RNF213: variants seen among roughly 807,000 people sequenced by gnomAD.
The protein encoded by RNF213 is E3 ubiquitin-protein ligase RNF213.
A neutral mutation model predicts 514.4 loss-of-function variants in RNF213; 341 were observed. That is an observed-to-expected ratio of 0.66 (90% CI 0.61 to 0.73). The LOEUF (loss-of-function observed/expected upper bound fraction) is 0.73, where lower values mean the gene tolerates loss of function less well. RNF213 is among the 30% of genes least tolerant of loss of function. The pLI is 0.00. For missense variants in RNF213, 5,767 were observed against 6,615.6 expected, an observed-to-expected ratio of 0.87 and a Z score of 4.45; for synonymous variants, 2,655 against 2,658.2, an observed-to-expected ratio of 1.00 and a Z score of 0.04.
intron 11 of RNF213, among the ~76,000 whole-genome samples, chr17:80,299,393 A>G (rs1264827717): frequency 6.6e-6 from 1 of 152,182 alleles, no homozygotes; most frequent in Non-Finnish European, 1.5e-5. Context: ...GCTAGGTCAA[A>G]GGCATTGTGA....
At chr17:80,275,840 T>G (rs1292290490) in intron 3 of RNF213, among the ~76,000 whole-genome samples, 1 of 151,648 alleles carries the variant, frequency 6.6e-6, no homozygotes, top group African/African-American at 2.4e-5. Context: ...TTTTTTGTAT[T>G]TTTGGTAGAG....
intron 42 of RNF213, among the ~76,000 whole-genome samples, chr17:80,365,865 C>T (rs2144429558): frequency 6.6e-6 from 1 of 152,356 alleles, no homozygotes. Flanking sequence ...GCCCATAAAC[C>T]CAAAGGTAAA....
intron 65 of RNF213, 137 bp downstream of exon 65, chr17:80,389,504 C>G (rs2080375336): frequency 1.3e-6 from 1 of 777,362 alleles, no homozygotes; most frequent in African/African-American, 1.7e-5. Context: ...AACTGCTCAC[C>G]CAGTCAGTCC....
intron 3 of RNF213, among the ~76,000 whole-genome samples, chr17:80,277,869 G>A (rs543656835): frequency 1.3e-5 from 2 of 152,220 alleles, no homozygotes; most frequent in Admixed American, 6.5e-5. Flanking sequence ...CTGAGACAGC[G>A]AGCTGCGTGG....
At chr17:80,277,971 G>A (rs759036251) in intron 3 of RNF213, among the ~76,000 whole-genome samples, 13 of 152,216 alleles carry the variant, frequency 8.5e-5, no homozygotes, top group Non-Finnish European at 1.3e-4. Context: ...AGAGGGGCCC[G>A]CGCCTGTCCC....
chr17:80,386,374 T>G lies in RNF213; in HGVS notation c.14664T>G (p.Ile4888Met). 6.2e-7 allele frequency: 1 copy of G among 1,614,190 alleles called. No individual in the cohort carries two copies. The highest frequency in any genetic ancestry group is 1.3e-5 in the African/African-American group (1 of 75,050). Residue 4888 changes from isoleucine (I) to methionine (M), a missense_variant, in exon 62 of 68, where the codon ATT becomes ATG. Physicochemically the swap from Ile to Met is conservative, Grantham distance 10. Transcript: ENST00000582970. ...CTACCGCTCTCGTCAGCTACTTGAT[T>G]CGCCTACACAATGAAATTGTCTACG... ...LCATALVSYL[I>M]RLHNEIVYAV...
intron 57 of RNF213, 124 bp from the exon 58 acceptor site, chr17:80,382,845 CTTAGATTAAT>C: frequency 1.5e-6 from 1 of 678,224 alleles, no homozygotes; most frequent in Non-Finnish European, 2.7e-6. Flanking sequence ...CTTCAAAATA[CTTAGATTAAT>C]TTAGAAAGCT....
At chr17:80,356,519 G>A (rs1334486028) in intron 36 of RNF213, among the ~76,000 whole-genome samples, 1 of 152,214 alleles carries the variant, frequency 6.6e-6, no homozygotes, top group African/African-American at 2.4e-5. Context: ...TGACTACCTC[G>A]ATTCACCACC....
intron 17 of RNF213, among the ~76,000 whole-genome samples, chr17:80,323,914 G>A (rs1240507207): frequency 6.6e-6 from 1 of 151,894 alleles, no homozygotes; most frequent in Non-Finnish European, 1.5e-5. Flanking sequence ...TAGACACACA[G>A]TGCTCCATGC....
Position 80,288,861 on chromosome 17 carries a change from CA to C in RNF213, c.933+107del. 2 of 1,578,758 alleles carry C rather than the reference CA, an allele frequency of 1.3e-6. No individual in the cohort carries two copies. Among genetic ancestry groups the C allele is most frequent in the Non-Finnish European group, 1.7e-6 (2 of 1,155,466 alleles). ...AATATTTAAGTGCTGGGGATATAGC[CA>C]TGATTCAGACAAAGCTCTGGCCTTC... On this transcript the variant is annotated intron_variant, in intron 5 of 67. Coordinates refer to ENST00000582970, the MANE Select transcript of RNF213 (RefSeq NM_001256071.3). This position sits in a 1 kb window ranked among gnomAD's most constrained non-coding sequence, Gnocchi z 4.9.
chr17:80,271,618 C>T (rs2043824888), intron 2 of RNF213, among the ~76,000 whole-genome samples: 1 of 152,202 alleles, frequency 6.6e-6, no homozygotes, highest in Non-Finnish European at 1.5e-5. Flanking sequence ...GGATTGAAAA[C>T]AGGGACTCCT....
At chr17:80,274,234 G>T (rs1180089846) in intron 3 of RNF213, among the ~76,000 whole-genome samples, 1 of 152,018 alleles carries the variant, frequency 6.6e-6, no homozygotes, top group African/African-American at 2.4e-5. Flanking sequence ...GAAGGGTATG[G>T]CTGAGCCACC....
chr17:80,272,531 CAA>C (rs1567994545), intron 2 of RNF213, among the ~76,000 whole-genome samples: 1 of 152,194 alleles, frequency 6.6e-6, no homozygotes, highest in Non-Finnish European at 1.5e-5. Flanking sequence ...ACAAGCCTCT[CAA>C]GAGTAAACCC....
At position 80,346,623 on chromosome 17, in the gene RNF213, T is replaced by G; in HGVS notation, c.8288T>G (p.Ile2763Ser). 2 of 1,612,966 alleles carry G rather than the reference T, an allele frequency of 1.2e-6. No homozygotes were observed. The highest frequency in any genetic ancestry group is 8.5e-7 in the Non-Finnish European group (1 of 1,180,014). The change falls in exon 29 of 68, where the codon ATT (isoleucine) becomes AGT (serine). Residue 2763 changes from isoleucine to serine, a missense_variant. Physicochemically the swap from Ile to Ser is moderately radical, Grantham distance 142. Around this residue, in one of 13 missense-constraint regions of RNF213, gnomAD observed 105 missense variants for 183.9 expected, o/e 0.57. Transcript: ENST00000582970. This position sits in a 1 kb window ranked among gnomAD's most constrained non-coding sequence, Gnocchi z 8.1. ...ATGGTCGTCTGCATCGAGCTGAAGA[T>G]TCCCCTCTTCCTGGTGGGGAAGCCC... ...FMMVVCIELK[I>S]PLFLVGKPGS...
At position 80,309,057 on chromosome 17, in the gene RNF213, G is replaced by A. The variant is rs1258145965; in HGVS notation, c.2541G>A (p.Val847=). ...CCTTGTCACCATCCTACCTGACTGT[G>A]TGTCTGAAACTGCATGAAGCCATCT... ...EEALSPSYLT[V]CLKLHEAICS... The change falls in exon 14 of 68, where the codon GTG becomes GTA. Residue 847 remains valine, a synonymous_variant. Coordinates refer to ENST00000582970, the MANE Select transcript of RNF213 (RefSeq NM_001256071.3). 6.2e-7 allele frequency: 1 copy of A among 1,614,052 alleles called. No homozygotes were observed. Among genetic ancestry groups the A allele is most frequent in the East Asian group, 2.2e-5 (1 of 44,904 alleles).
At position 80,393,441 on chromosome 17, in the gene RNF213, C is replaced by T; in HGVS notation, c.15567C>T (p.Ser5189=). 1 of 1,614,210 alleles carries T rather than the reference C, an allele frequency of 6.2e-7. No homozygotes were observed. The highest frequency in any genetic ancestry group is 8.5e-7 in the Non-Finnish European group (1 of 1,180,010). Residue 5189 remains serine, a synonymous_variant, in exon 68 of 68, where the codon AGC becomes AGT. Coordinates refer to ENST00000582970, the MANE Select transcript of RNF213 (RefSeq NM_001256071.3). ...TCCCAGAAGAGATACTGCTCGCCAG[C>T]TGTGTCTCAGTGTGGAAAACAGCTG... ...SQFPEEILLA[S]CVSVWKTAAV...
rs752629050 is a variant in RNF213 at position 80,368,044 on chromosome 17, G to A, written c.12056G>A (p.Arg4019His). Residue 4019 changes from arginine to histidine, a missense_variant, in exon 44 of 68, where the codon CGC (arginine) becomes CAC (histidine). Physicochemically the swap from Arg to His is conservative, Grantham distance 29. Transcript: ENST00000582970. ...CLPCDHVHCL[R>H]CLRAWFASEQ... Reference sequence around the variant, plus strand: ...CCCTGCGACCACGTGCACTGCCTGCGCTGCCTCAGGGCCTGGTTTGCCTCA... The same window carrying A: ...CCCTGCGACCACGTGCACTGCCTGCACTGCCTCAGGGCCTGGTTTGCCTCA... 14 of 1,614,146 alleles carry A rather than the reference G, an allele frequency of 8.7e-6. No homozygotes were observed. The highest frequency in any genetic ancestry group is 1.3e-5 in the African/African-American group (1 of 74,952).
chr17:80,267,118 G>A (rs1443437571), intron 2 of RNF213, among the ~76,000 whole-genome samples: 3 of 151,948 alleles, frequency 2.0e-5, no homozygotes, highest in Admixed American at 2.0e-4. Flanking sequence ...TTGGGAGGCT[G>A]AGGCACAAGA....
intron 39 of RNF213, 142 bp from the exon 40 acceptor site, chr17:80,362,960 G>T (rs985280783): frequency 7.3e-6 from 6 of 825,770 alleles, no homozygotes; most frequent in African/African-American, 3.4e-5. Context: ...TAGAAAACTG[G>T]ACAGAAGCAA....
Sources: gnomAD v4.1 joint callset for allele counts (sites outside exome capture counted in the v4.1 genomes callset) on GRCh38, gnomAD v4.1.1 for gene constraint, gnomAD v4.1.1 regional missense constraint, Gnocchi (gnomAD v3.1) non-coding constraint, MANE v1.5 for transcripts, NCBI Gene and HGNC (gene_info 2026-07-23, HGNC 2026-07-21) for gene names.